HOMER1: variants seen among roughly 807,000 people sequenced by gnomAD.
HOMER1 encodes the protein homer protein homolog 1.
Under a neutral mutation model 48.9 loss-of-function variants are expected in HOMER1, and 3 were observed. The ratio of observed to expected loss-of-function variants is 0.06; its 90% CI spans 0.03 to 0.16. HOMER1 has a LOEUF of 0.16. Among genes scored for constraint, HOMER1 ranks in the 10% least tolerant of loss-of-function variants. HOMER1 has a pLI of 1.00. For missense variants in HOMER1, 247 were observed against 411.4 expected (o/e 0.60, Z 3.46); for synonymous variants, 134 against 146.4 (o/e 0.92, Z 0.61).
At chr5:79,409,097 A>AAAAAAAAAAG (rs1749746176) in intron 5 of HOMER1, among the ~76,000 whole-genome samples, 1 of 151,014 alleles carries the variant, frequency 6.6e-6, no homozygotes, top group Non-Finnish European at 1.5e-5. Flanking sequence ...AAAAAAAAAA[A>AAAAAAAAAAG]TTGAAGAGCT....
At chr5:79,487,351 CA>C (rs1752136753) in intron 1 of HOMER1, among the ~76,000 whole-genome samples, 1 of 152,176 alleles carries the variant, frequency 6.6e-6, no homozygotes, top group South Asian at 2.1e-4. Flanking sequence ...ACTCCATGAT[CA>C]ACTTGAACAT....
At chr5:79,402,698 A>T (rs945768280) in intron 5 of HOMER1, among the ~76,000 whole-genome samples, 3 of 152,162 alleles carry the variant, frequency 2.0e-5, no homozygotes, top group African/African-American at 7.2e-5. Flanking sequence ...AACATCTATT[A>T]AAAAAACCTA....
chr5:79,510,583 CAAG>C, intron 1 of HOMER1: 1 of 809,962 alleles, frequency 1.2e-6, no homozygotes, highest in African/African-American at 1.7e-5. Flanking sequence ...AGAAACACAA[CAAG>C]AAGGGCCTAA....
At chr5:79,455,192 CT>C in intron 2 of HOMER1, among the ~76,000 whole-genome samples, 1 of 152,144 alleles carries the variant, frequency 6.6e-6, no homozygotes, top group East Asian at 1.9e-4. Flanking sequence ...ATGCCTCGGC[CT>C]CCCAAAGTGC....
chr5:79,433,481 T>C (rs1750479984), intron 5 of HOMER1, among the ~76,000 whole-genome samples: 1 of 152,100 alleles, frequency 6.6e-6, no homozygotes, highest in Non-Finnish European at 1.5e-5. Context: ...GACAGGAGAA[T>C]GGCTTGAACC....
intron 1 of HOMER1, among the ~76,000 whole-genome samples, chr5:79,486,247 A>C (rs1445378053): frequency 6.6e-6 from 1 of 152,182 alleles, no homozygotes; most frequent in Non-Finnish European, 1.5e-5. Flanking sequence ...CTCTCTCACA[A>C]ACTCTGCCAA....
chr5:79,431,722 TA>T (rs1346898222), intron 5 of HOMER1, among the ~76,000 whole-genome samples: 5 of 152,228 alleles, frequency 3.3e-5, no homozygotes, highest in Admixed American at 2.0e-4. Flanking sequence ...AGCTAAACTC[TA>T]AATGGAAAAT....
Position 79,464,751 on chromosome 5 carries a change from A to G in HOMER1, c.6-7733T>C, listed in dbSNP as rs550231507. Reference sequence around the variant, plus strand: ...AGAGATTATGACTGCATAATATAACATACTACCAACTGTATGTCCCTATGC... The same window carrying G: ...AGAGATTATGACTGCATAATATAACGTACTACCAACTGTATGTCCCTATGC... On this transcript the variant is annotated intron_variant, in intron 1 of 8. Transcript: ENST00000334082. 7.9e-4 allele frequency among the ~76,000 whole-genome samples: 120 copies of G among 152,354 alleles called. 2 individuals are homozygous for G. Among genetic ancestry groups the G allele is most frequent in the Admixed American group, 7.8e-3 (119 of 15,306 alleles).
At chr5:79,501,554 T>C (rs1752593321) in intron 1 of HOMER1, among the ~76,000 whole-genome samples, 1 of 152,196 alleles carries the variant, frequency 6.6e-6, no homozygotes, top group Non-Finnish European at 1.5e-5. Flanking sequence ...CTTTTTTCAG[T>C]ACCATCTGTA....
rs1349080228 is a variant in HOMER1 at position 79,379,115 on chromosome 5, A to ATATATATATATATATATATATAT, written c.877-2919_877-2918insATATATATATATATATATATATA. Among the ~76,000 whole-genome samples the ATATATATATATATATATATATAT allele has an allele frequency of 1.0e-3, 56 of 55,604 alleles. 6 individuals carry two copies. Among genetic ancestry groups the ATATATATATATATATATATATAT allele is most frequent in the Non-Finnish European group, 1.2e-3 (35 of 28,104 alleles). The allele number at this position is 55,604 out of a possible 152,430, so 36.5% of individuals were successfully genotyped here. Reference sequence around the variant, plus strand: ...ATATATATATATATATATATATATAAAATATATAAATATTTATTTATATAT... The same window carrying ATATATATATATATATATATATAT: ...ATATATATATATATATATATATATAATATATATATATATATATATATATAATATATAAATATTTATTTATATAT... On this transcript the variant is annotated intron_variant, in intron 8 of 8. Transcript: ENST00000334082.
intron 3 of HOMER1, among the ~76,000 whole-genome samples, chr5:79,448,970 A>G (rs570594897): frequency 6.6e-6 from 1 of 150,868 alleles, no homozygotes; most frequent in South Asian, 2.1e-4. Flanking sequence ...AAAGAAGAAA[A>G]AAAATTAAAA....
intron 1 of HOMER1, among the ~76,000 whole-genome samples, chr5:79,491,484 G>T (rs1262572141): frequency 1.4e-5 from 2 of 143,772 alleles, no homozygotes; most frequent in Non-Finnish European, 3.0e-5. Flanking sequence ...ATACAATTCA[G>T]TTGAGTACTA....
In HOMER1 at chr5:79,385,080, T is replaced by C. The variant is rs374162818; in HGVS notation, c.877-8883A>G. Among the ~76,000 whole-genome samples, 20 of 152,218 alleles carry C rather than the reference T, an allele frequency of 1.3e-4. 1 individual carries two copies. Among genetic ancestry groups the C allele is most frequent in the Admixed American group, 5.9e-4 (9 of 15,290 alleles). On this transcript the variant is annotated intron_variant, in intron 8 of 8. Coordinates refer to ENST00000334082, the MANE Select transcript of HOMER1 (RefSeq NM_004272.5). ...TCCCTCAGAGATAGGGTGAGACCCC[T>C]ACCTCTCACCATATATGAAAATCAA... is the stretch of plus-strand genomic sequence containing the variant.
At chr5:79,405,626 A>C (rs935064829) in intron 5 of HOMER1, among the ~76,000 whole-genome samples, 3 of 152,190 alleles carry the variant, frequency 2.0e-5, no homozygotes, top group Non-Finnish European at 1.5e-5. Flanking sequence ...TTTCTCCAAC[A>C]AGTATTTTCC....
intron 5 of HOMER1, among the ~76,000 whole-genome samples, chr5:79,410,489 CAAAAAAAAA>C (rs59290866): frequency 9.5e-6 from 1 of 105,146 alleles, no homozygotes; most frequent in Non-Finnish European, 2.1e-5. Context: ...AACTCTATCT[CAAAAAAAAA>C]AAAAAAAAAG....
intron 5 of HOMER1, among the ~76,000 whole-genome samples, chr5:79,422,511 T>C (rs1750128281): frequency 6.6e-6 from 1 of 152,076 alleles, no homozygotes; most frequent in Non-Finnish European, 1.5e-5. Flanking sequence ...TTCTGGTACC[T>C]ATCTATAGAT....
chr5:79,490,999 A>G (rs1303174973), intron 1 of HOMER1, among the ~76,000 whole-genome samples: 1 of 149,426 alleles, frequency 6.7e-6, no homozygotes, highest in African/African-American at 2.5e-5. Context: ...AAAAGGAAAA[A>G]AAATTAAGTG....
chr5:79,507,809 T>A (rs925372380), intron 1 of HOMER1, among the ~76,000 whole-genome samples: 1 of 152,200 alleles, frequency 6.6e-6, no homozygotes, highest in African/African-American at 2.4e-5. Flanking sequence ...CTATAAACTA[T>A]GAATAAGGAC....
chr5:79,420,771 T>G (rs1750074608), intron 5 of HOMER1, among the ~76,000 whole-genome samples: 1 of 152,176 alleles, frequency 6.6e-6, no homozygotes, highest in Non-Finnish European at 1.5e-5. Context: ...TCATCCATAC[T>G]GGTTATATAT....
Sources: gnomAD v4.1 joint callset for allele counts (sites outside exome capture counted in the v4.1 genomes callset) on GRCh38, gnomAD v4.1.1 for gene constraint, MANE v1.5 for transcripts, NCBI Gene and HGNC (gene_info 2026-07-23, HGNC 2026-07-21) for gene names.